The following IGSF11 variants were observed in gnomAD, a reference collection of about 807,000 sequenced individuals.
The protein encoded by IGSF11 is CXADR like 1.
A neutral mutation model predicts 41.0 loss-of-function variants in IGSF11; 22 were observed. The ratio of observed to expected loss-of-function variants is 0.54; its 90% CI spans 0.38 to 0.77. The LOEUF (loss-of-function observed/expected upper bound fraction) is 0.77. Ranked by LOEUF, IGSF11 falls within the 30% of genes least tolerant of loss-of-function variation. IGSF11 has a pLI of 0.00. For missense variants in IGSF11, 444 were observed against 530.8 expected, an observed-to-expected ratio of 0.84 and a Z score of 1.61; for synonymous variants, 219 against 201.3, an observed-to-expected ratio of 1.09 and a Z score of -0.74.
intron 1 of IGSF11, among the ~76,000 whole-genome samples, chr3:119,075,068 TA>T (rs1479481709): frequency 2.6e-5 from 4 of 151,886 alleles, no homozygotes; most frequent in African/African-American, 9.7e-5. Flanking sequence ...AAAGAATAAG[TA>T]AGATAGATAT....
chr3:119,088,550 A>G (rs968797802), intron 1 of IGSF11, among the ~76,000 whole-genome samples: 18 of 152,228 alleles, frequency 1.2e-4, no homozygotes, highest in African/African-American at 4.3e-4. Flanking sequence ...AAAATGAAAC[A>G]GGACAAACCA....
intron 1 of IGSF11, among the ~76,000 whole-genome samples, chr3:119,081,402 A>G (rs1158247400): frequency 6.6e-6 from 1 of 152,072 alleles, no homozygotes; most frequent in Non-Finnish European, 1.5e-5. Context: ...TGTCATAACC[A>G]TAATACCTAG....
intron 1 of IGSF11, among the ~76,000 whole-genome samples, chr3:118,993,043 T>C (rs1256776210): frequency 2.0e-5 from 3 of 151,968 alleles, no homozygotes; most frequent in Non-Finnish European, 4.4e-5. Context: ...CTAGGGAAAA[T>C]AGCAAGACCC....
At chr3:118,943,826 G>C (rs766135604) in intron 1 of IGSF11, among the ~76,000 whole-genome samples, 1 of 152,170 alleles carries the variant, frequency 6.6e-6, no homozygotes, top group Non-Finnish European at 1.5e-5. Flanking sequence ...ATACAACCAT[G>C]TACTCTCAAC....
chr3:119,066,166 T>G (rs182076403), intron 1 of IGSF11, among the ~76,000 whole-genome samples: 1 of 152,152 alleles, frequency 6.6e-6, no homozygotes, highest in African/African-American at 2.4e-5. Flanking sequence ...AGACAACAGT[T>G]AGGGCCCACC....
At chr3:119,063,734 G>C (rs532127966) in intron 1 of IGSF11, among the ~76,000 whole-genome samples, 2 of 152,244 alleles carry the variant, frequency 1.3e-5, no homozygotes, top group South Asian at 4.1e-4. Flanking sequence ...GTGTTATATT[G>C]TAAGTCTTCC....
chr3:119,058,726 A>T (rs145703078), intron 1 of IGSF11, among the ~76,000 whole-genome samples: 151 of 152,304 alleles, frequency 9.9e-4, no homozygotes, highest in Non-Finnish European at 1.8e-3. Flanking sequence ...AACCAACCCA[A>T]ATGTCCAACA....
intron 1 of IGSF11, among the ~76,000 whole-genome samples, chr3:118,985,522 T>C (rs1935166619): frequency 6.6e-6 from 1 of 152,098 alleles, no homozygotes; most frequent in Non-Finnish European, 1.5e-5. Flanking sequence ...CTGCCGGTCT[T>C]CCCTCCCCTT....
At chr3:118,999,363 G>C (rs1451848454) in intron 1 of IGSF11, among the ~76,000 whole-genome samples, 1 of 152,084 alleles carries the variant, frequency 6.6e-6, no homozygotes, top group Non-Finnish European at 1.5e-5. Flanking sequence ...TAATTACACA[G>C]ATAAAACCAA....
upstream of IGSF11, among the ~76,000 whole-genome samples, chr3:119,105,845 T>G (rs891369869): frequency 1.3e-5 from 2 of 152,146 alleles, no homozygotes; most frequent in Non-Finnish European, 2.9e-5. Context: ...CTCTCTCACT[T>G]TAGTTAAGGT....
intron 4 of IGSF11, 119 bp from the exon 5 acceptor site, chr3:118,905,837 T>C (rs963992200): frequency 6.2e-6 from 7 of 1,130,340 alleles, no homozygotes; most frequent in Non-Finnish European, 7.5e-6. Context: ...ATTTCTTTTT[T>C]GTGGGGGTAG....
intron 1 of IGSF11, among the ~76,000 whole-genome samples, chr3:118,989,435 C>T (rs772166620): frequency 2.6e-5 from 4 of 152,092 alleles, no homozygotes; most frequent in Non-Finnish European, 5.9e-5. Context: ...TCACTGCAAC[C>T]TCCGCCTCGC....
intron 1 of IGSF11, among the ~76,000 whole-genome samples, chr3:119,139,337 A>G (rs1379149428): frequency 6.6e-6 from 1 of 152,200 alleles, no homozygotes; most frequent in Non-Finnish European, 1.5e-5. Context: ...GCAACAGTAA[A>G]GATAAGTACA....
chr3:119,049,015 T>C (rs1941497569), intron 1 of IGSF11, among the ~76,000 whole-genome samples: 1 of 151,532 alleles, frequency 6.6e-6, no homozygotes, highest in African/African-American at 2.4e-5. Flanking sequence ...ATAAGAGCTA[T>C]CTATGACAAA....
At chr3:119,050,275 C>T (rs926533929) in intron 1 of IGSF11, among the ~76,000 whole-genome samples, 29 of 151,646 alleles carry the variant, frequency 1.9e-4, no homozygotes, top group South Asian at 6.3e-4. Context: ...ATATCCAGAA[C>T]CTACAATGAA....
At chr3:118,949,662 T>C (rs944479119) in intron 1 of IGSF11, among the ~76,000 whole-genome samples, 5 of 152,228 alleles carry the variant, frequency 3.3e-5, no homozygotes, top group South Asian at 4.1e-4. Flanking sequence ...TAGGTGGGCA[T>C]TGCTGCTGTT....
chr3:119,025,039 T>G (rs1282029561), intron 1 of IGSF11, among the ~76,000 whole-genome samples: 1 of 152,158 alleles, frequency 6.6e-6, no homozygotes, highest in Admixed American at 6.5e-5. Context: ...TAAGACTATA[T>G]TCGAATGACA....
chr3:118,962,967 G>T (rs1426912396), intron 1 of IGSF11, among the ~76,000 whole-genome samples: 1 of 152,164 alleles, frequency 6.6e-6, no homozygotes, highest in Non-Finnish European at 1.5e-5. Context: ...CTACCAGGAG[G>T]TCTCTGGTAG....
intron 1 of IGSF11, among the ~76,000 whole-genome samples, chr3:118,987,374 T>A (rs1184825936): frequency 6.6e-6 from 1 of 152,184 alleles, no homozygotes; most frequent in Non-Finnish European, 1.5e-5. Flanking sequence ...TTAGGGACAC[T>A]GGGAACAAAT....
Sources: allele counts gnomAD v4.1 joint callset (sites outside exome capture counted in the v4.1 genomes callset), GRCh38; gene constraint gnomAD v4.1.1; transcripts MANE v1.5; gene names NCBI Gene and HGNC (gene_info 2026-07-23, HGNC 2026-07-21).